BICD1: variants seen among roughly 807,000 people sequenced by gnomAD.
BICD1 encodes BICD cargo adaptor 1, also known as protein bicaudal D homolog 1.
Under a neutral mutation model 92.5 loss-of-function variants are expected in BICD1, and 35 were observed. The ratio of observed to expected loss-of-function variants is 0.38; its 90% CI spans 0.29 to 0.50. The LOEUF (loss-of-function observed/expected upper bound fraction) is 0.50. Ranked by LOEUF, BICD1 falls within the 20% of genes least tolerant of loss-of-function variation. The pLI is 0.93. For missense variants in BICD1, 950 were observed against 1,189.8 expected (o/e 0.80, Z 2.97); for synonymous variants, 429 against 465.1 (o/e 0.92, Z 1.00).
chr12:32,210,156 A>G (rs1016738052), intron 1 of BICD1, among the ~76,000 whole-genome samples: 1 of 152,122 alleles, frequency 6.6e-6, no homozygotes, highest in Non-Finnish European at 1.5e-5. Flanking sequence ...ACATAGCTGA[A>G]TCCTCAGTGC....
chr12:32,297,987 G>T lies in BICD1; in HGVS notation c.579+3841G>T, dbSNP rs537503522. ...ACTTGAGTCCAAAAGTTTGAGACCA[G>T]CCTGGGCAACATAGGGAGACCTCAT... On this transcript the variant is annotated intron_variant, in intron 3 of 9. Coordinates refer to ENST00000652176, the MANE Select transcript of BICD1 (RefSeq NM_001714.4). Among the ~76,000 whole-genome samples the T allele has an allele frequency of 3.3e-5, 5 of 151,972 alleles. No homozygotes were observed. In the South Asian group the frequency reaches 1.0e-3, roughly 32 times the overall value.
intron 2 of BICD1, among the ~76,000 whole-genome samples, chr12:32,286,660 C>T (rs1357166447): frequency 2.6e-5 from 4 of 152,144 alleles, no homozygotes; most frequent in Non-Finnish European, 5.9e-5. Flanking sequence ...TTTCAAAGTG[C>T]ATTGTTCTCC....
intron 1 of BICD1, among the ~76,000 whole-genome samples, chr12:32,169,423 C>T (rs1943867998): frequency 6.6e-6 from 1 of 152,006 alleles, no homozygotes; most frequent in Non-Finnish European, 1.5e-5. Context: ...GCAGCTTGGC[C>T]TGGACCCATT....
At chr12:32,188,128 G>T (rs765048234) in intron 1 of BICD1, among the ~76,000 whole-genome samples, 1 of 152,090 alleles carries the variant, frequency 6.6e-6, no homozygotes, top group Non-Finnish European at 1.5e-5. Context: ...TGTAGAGACG[G>T]GGTTTCACCA....
intron 1 of BICD1, among the ~76,000 whole-genome samples, chr12:32,172,200 A>C (rs1943966842): frequency 6.6e-6 from 1 of 152,138 alleles, no homozygotes; most frequent in South Asian, 2.1e-4. Flanking sequence ...GTGCTAGTGA[A>C]GGATATAGGT....
intron 2 of BICD1, among the ~76,000 whole-genome samples, chr12:32,228,521 T>C (rs1329407744): frequency 2.0e-5 from 3 of 152,174 alleles, no homozygotes; most frequent in Admixed American, 2.0e-4. Context: ...TACAGGAAGG[T>C]GCTGGGCAAA....
intron 1 of BICD1, among the ~76,000 whole-genome samples, chr12:32,179,545 G>A (rs1439720828): frequency 6.6e-6 from 1 of 151,858 alleles, no homozygotes; most frequent in Non-Finnish European, 1.5e-5. Flanking sequence ...TGTGATAATT[G>A]AATAGTAAAG....
chr12:32,179,816 C>G (rs778493054), intron 1 of BICD1, among the ~76,000 whole-genome samples: 2 of 151,496 alleles, frequency 1.3e-5, no homozygotes, highest in African/African-American at 4.8e-5. Context: ...CATGGTGAAG[C>G]CTCATCTTAC....
chr12:32,186,087 T>C (rs1944417305), intron 1 of BICD1, among the ~76,000 whole-genome samples: 1 of 152,250 alleles, frequency 6.6e-6, no homozygotes, highest in African/African-American at 2.4e-5. Flanking sequence ...GAACCTCACC[T>C]GGCCAGAAAC....
intron 9 of BICD1, among the ~76,000 whole-genome samples, chr12:32,376,031 C>G (rs921832191): frequency 2.6e-5 from 4 of 151,292 alleles, no homozygotes; most frequent in Admixed American, 2.0e-4. Flanking sequence ...GAAAAATACT[C>G]TTTTCTAATT....
At chr12:32,162,829 C>CA (rs1465811922) in intron 1 of BICD1, among the ~76,000 whole-genome samples, 2 of 151,818 alleles carry the variant, frequency 1.3e-5, no homozygotes, top group Non-Finnish European at 2.9e-5. Flanking sequence ...TAAAAACAAA[C>CA]AAAAAAATTA....
chr12:32,207,729 A>C (rs866530454), intron 1 of BICD1, among the ~76,000 whole-genome samples: 42 of 152,336 alleles, frequency 2.8e-4, no homozygotes, highest in African/African-American at 9.9e-4. Flanking sequence ...TAAGAGAAAA[A>C]AGAAAAAGCT....
At chr12:32,137,083 G>A (rs1027735154) in intron 1 of BICD1, among the ~76,000 whole-genome samples, 1 of 151,926 alleles carries the variant, frequency 6.6e-6, no homozygotes, top group Admixed American at 6.6e-5. Context: ...TTTTGTTGTT[G>A]TTGTTTTTGT....
intron 1 of BICD1, among the ~76,000 whole-genome samples, chr12:32,138,436 GTGTA>G (rs1942803519): frequency 6.6e-6 from 1 of 152,158 alleles, no homozygotes; most frequent in Non-Finnish European, 1.5e-5. Context: ...GAATATGTAT[GTGTA>G]TGTATTTATA....
intron 1 of BICD1, among the ~76,000 whole-genome samples, chr12:32,140,521 G>C (rs1419096470): frequency 6.6e-6 from 1 of 151,922 alleles, no homozygotes; most frequent in Admixed American, 6.6e-5. Flanking sequence ...TCGCTCTGTC[G>C]CCCAGGCTGG....
chr12:32,285,475 G>T (rs1947538020), intron 2 of BICD1, among the ~76,000 whole-genome samples: 1 of 152,104 alleles, frequency 6.6e-6, no homozygotes. Flanking sequence ...AAACTGGAAG[G>T]CAGTATTATT....
At chr12:32,126,454 C>G (rs1430369072) in intron 1 of BICD1, among the ~76,000 whole-genome samples, 1 of 150,928 alleles carries the variant, frequency 6.6e-6, no homozygotes, top group Non-Finnish European at 1.5e-5. Flanking sequence ...AGATAGTATT[C>G]TTAAAAAAAA....
intron 4 of BICD1, among the ~76,000 whole-genome samples, chr12:32,317,414 T>C (rs1948533723): frequency 6.6e-6 from 1 of 152,220 alleles, no homozygotes; most frequent in Admixed American, 6.5e-5. Context: ...TGGTGTGAGA[T>C]GGTATCTCAT....
At chr12:32,331,080 A>G (rs1318632633) in intron 5 of BICD1, among the ~76,000 whole-genome samples, 1 of 152,118 alleles carries the variant, frequency 6.6e-6, no homozygotes, top group Non-Finnish European at 1.5e-5. Flanking sequence ...GGTTGCGGTG[A>G]GCCTAGATTG....
Sources: allele counts gnomAD v4.1 joint callset (sites outside exome capture counted in the v4.1 genomes callset), GRCh38; gene constraint gnomAD v4.1.1; transcripts MANE v1.5; gene names NCBI Gene and HGNC (gene_info 2026-07-23, HGNC 2026-07-21).